VPS13D: variants seen among roughly 807,000 people sequenced by gnomAD.
VPS13D encodes the protein vacuolar protein sorting 13 homolog D, also known as intermembrane lipid transfer protein VPS13D.
Under a neutral mutation model 461.9 loss-of-function variants are expected in VPS13D, and 187 were observed. That is an observed-to-expected ratio of 0.40 (90% confidence interval 0.36 to 0.46). The LOEUF (loss-of-function observed/expected upper bound fraction) is 0.46, where lower values mean the gene tolerates loss of function less well. Among genes scored for constraint, VPS13D ranks in the 20% least tolerant of loss-of-function variants. The probability of loss-of-function intolerance (pLI) is 0.60; values close to 1 mark genes in which losing one functional copy is unlikely to be tolerated. For missense variants in VPS13D, 4,711 were observed against 5,364.9 expected, an observed-to-expected ratio of 0.88 and a Z score of 3.81; for synonymous variants, 1,951 against 1,986.3, an observed-to-expected ratio of 0.98 and a Z score of 0.47.
chr1:12,253,961 C>T (rs1640825925), intron 7 of VPS13D, 135 bp downstream of exon 7: 1 of 670,406 alleles, frequency 1.5e-6, no homozygotes, highest in Non-Finnish European at 2.6e-6. Flanking sequence ...GCCATTCACT[C>T]TCAAGTGTGT....
At position 12,318,289 on chromosome 1, in the gene VPS13D, C is replaced by T. The variant is rs1445409530; in HGVS notation, c.7366C>T (p.Leu2456Phe). Residue 2456 changes from leucine (L) to phenylalanine (F), a missense_variant, in exon 31 of 70, where the codon CTT becomes TTT. This residue lies in a region of VPS13D where 4,411 missense variants were observed against 4,937.8 expected (regional missense o/e 0.89). Coordinates refer to ENST00000620676, the MANE Select transcript of VPS13D (RefSeq NM_015378.4). Reference protein sequence around the residue: ...KSGVVTKRSSLPVSNERHLEV... With the variant: ...KSGVVTKRSSFPVSNERHLEV... ...TGGAGTAGTTACCAAGCGGTCTTCC[C>T]TTCCTGTGTCCAATGAAAGGCACCT... 1 of 1,613,348 alleles carries T rather than the reference C, an allele frequency of 6.2e-7. No homozygotes were observed. Among genetic ancestry groups the T allele is most frequent in the Non-Finnish European group, 8.5e-7 (1 of 1,179,390 alleles).
chr1:12,500,286 G>A, intron 68 of VPS13D: 6 of 930,552 alleles, frequency 6.4e-6, no homozygotes, highest in Non-Finnish European at 3.8e-6. Context: ...CCTCTGATAA[G>A]TTGCACAATT....
chr1:12,446,905 C>T (rs1227799533), intron 65 of VPS13D, among the ~76,000 whole-genome samples: 7 of 152,104 alleles, frequency 4.6e-5, no homozygotes, highest in Non-Finnish European at 7.3e-5. Flanking sequence ...ATCCACATAA[C>T]GGACATGTAC....
At chr1:12,404,835 A>G (rs1251921544) in intron 63 of VPS13D, among the ~76,000 whole-genome samples, 1 of 151,978 alleles carries the variant, frequency 6.6e-6, no homozygotes, top group African/African-American at 2.4e-5. Context: ...GGTGTTAGAA[A>G]GTCTTTCCTT....
chr1:12,268,920 C>T (rs1641353720), intron 16 of VPS13D, 44 bp downstream of exon 16: 2 of 1,581,764 alleles, frequency 1.3e-6, no homozygotes, highest in African/African-American at 1.4e-5. Context: ...TTTTGAAAAA[C>T]ATCTTTATTG....
chr1:12,316,741 TGTA>T (rs1642895889), intron 30 of VPS13D, among the ~76,000 whole-genome samples: 1 of 152,188 alleles, frequency 6.6e-6, no homozygotes, highest in African/African-American at 2.4e-5. Context: ...ACCAGGTACA[TGTA>T]GTAGCTACAA....
intron 3 of VPS13D, among the ~76,000 whole-genome samples, chr1:12,243,360 G>A (rs865801632): frequency 1.3e-5 from 2 of 152,284 alleles, no homozygotes; most frequent in Middle Eastern, 3.4e-3. Flanking sequence ...GAACTTCCAG[G>A]CTAAAGAGAT....
rs975967635 is a variant in VPS13D, at chr1:12,299,495, T to C, written c.6216+111T>C. 9.9e-5 allele frequency: 126 copies of C among 1,277,184 alleles called. No homozygotes were observed. Among genetic ancestry groups the C allele is most frequent in the Non-Finnish European group, 1.2e-4 (118 of 955,994 alleles). 79.1% of individuals were successfully genotyped at this position (1,277,184 alleles called of 1,614,324 possible). A position where few individuals can be genotyped will look rare whatever the true frequency, so the allele number is the denominator to read the frequency against. ...CATAATTGCTATTACTTTTGTAGGGTATGTGGCTTGAAGAATTTTTTTTGG... is the reference window on the plus strand; with the variant it reads ...CATAATTGCTATTACTTTTGTAGGGCATGTGGCTTGAAGAATTTTTTTTGG... On this transcript the variant is annotated intron_variant, in intron 25 of 69. Coordinates refer to ENST00000620676, the MANE Select transcript of VPS13D (RefSeq NM_015378.4). This position sits in a 1 kb window ranked among gnomAD's most constrained non-coding sequence, Gnocchi z 4.2.
At chr1:12,295,123 C>T (rs1267493667) in intron 24 of VPS13D, among the ~76,000 whole-genome samples, 2 of 148,760 alleles carry the variant, frequency 1.3e-5, no homozygotes, top group Non-Finnish European at 3.0e-5. Context: ...ACTTGGGAGG[C>T]TGAGGTGGGA....
rs1254609572 is a variant in VPS13D, at chr1:12,415,244, T to C, written c.12165+23T>C. The C allele has an allele frequency of 6.2e-6, 10 of 1,613,850 alleles. No individual in the cohort carries two copies. In the South Asian group the frequency reaches 7.7e-5, roughly 12 times the overall value. ...GAGGTGAGGCTTGGAGAAGTAATCA[T>C]TGGCTGGAGCATAAGCAGAATGTTT... On this transcript the variant is annotated intron_variant, in intron 64 of 69. Coordinates refer to ENST00000620676, the MANE Select transcript of VPS13D (RefSeq NM_015378.4).
Position 12,507,921 on chromosome 1 carries a change from A to G in VPS13D, c.13035+828A>G, listed in dbSNP as rs1174669653. ...ACCCGGATTTTGAAGCTTGCATTCAAGAATGATACATTAATCAAAAGGGCC... is the reference window on the plus strand; with the variant it reads ...ACCCGGATTTTGAAGCTTGCATTCAGGAATGATACATTAATCAAAAGGGCC... On this transcript the variant is annotated intron_variant, in intron 69 of 69. Coordinates refer to ENST00000620676, the MANE Select transcript of VPS13D (RefSeq NM_015378.4). This position sits in a 1 kb window ranked among gnomAD's most constrained non-coding sequence, Gnocchi z 5.3. Among the ~76,000 whole-genome samples, 1 of 152,250 alleles carries G rather than the reference A, an allele frequency of 6.6e-6. No homozygotes were observed. Among genetic ancestry groups the G allele is most frequent in the Non-Finnish European group, 1.5e-5 (1 of 68,046 alleles).
At chr1:12,503,506 G>A (rs1224040672) in intron 68 of VPS13D, among the ~76,000 whole-genome samples, 3 of 152,084 alleles carry the variant, frequency 2.0e-5, no homozygotes, top group Non-Finnish European at 4.4e-5. Flanking sequence ...ACTTTTAACC[G>A]AGGTTTAAGA....
intron 38 of VPS13D, 64 bp downstream of exon 38, chr1:12,333,430 A>G: frequency 2.5e-6 from 4 of 1,587,988 alleles, no homozygotes; most frequent in Non-Finnish European, 3.4e-6. Context: ...AGTCTGGAAG[A>G]CTATTAATCC....
chr1:12,459,136 T>C (rs957261808), intron 66 of VPS13D, among the ~76,000 whole-genome samples: 2 of 152,160 alleles, frequency 1.3e-5, no homozygotes, highest in Admixed American at 6.6e-5. Context: ...TATCCACAGA[T>C]TCAGCCAACC....
chr1:12,460,939 C>T (rs1645404666), intron 67 of VPS13D, among the ~76,000 whole-genome samples: 1 of 152,144 alleles, frequency 6.6e-6, no homozygotes, highest in Non-Finnish European at 1.5e-5. Flanking sequence ...AAGTGCCACC[C>T]CCCATCCCCC....
chr1:12,378,271 T>C (rs1644228272), intron 55 of VPS13D, among the ~76,000 whole-genome samples, 157 bp from the exon 56 acceptor site: 1 of 152,238 alleles, frequency 6.6e-6, no homozygotes, highest in African/African-American at 2.4e-5. Context: ...TAGATAACCA[T>C]GAAAGTTTGA....
At position 12,374,159 on chromosome 1, in the gene VPS13D, G is replaced by A. The variant is rs540829070; in HGVS notation, c.10917+301G>A. ...GACAAGAACAAATTTCTAAGATTAAGTAGCAATAATTGTAACATTTTATAT... is the reference window on the plus strand; with the variant it reads ...GACAAGAACAAATTTCTAAGATTAAATAGCAATAATTGTAACATTTTATAT... On this transcript the variant is annotated intron_variant, in intron 55 of 69. Transcript: ENST00000620676. 2.6e-5 allele frequency among the ~76,000 whole-genome samples: 4 copies of A among 152,310 alleles called. No homozygotes were observed. The East Asian group carries it at 7.7e-4, about 29-fold the overall frequency.
chr1:12,484,791 G>T (rs1308871352), intron 67 of VPS13D, among the ~76,000 whole-genome samples: 1 of 152,034 alleles, frequency 6.6e-6, no homozygotes, highest in Admixed American at 6.6e-5. Flanking sequence ...TTTACGGAGT[G>T]TCCTCGGAGG....
chr1:12,501,954 C>T (rs554736998), intron 68 of VPS13D, among the ~76,000 whole-genome samples: 9 of 152,212 alleles, frequency 5.9e-5, no homozygotes, highest in African/African-American at 1.9e-4. Flanking sequence ...GAAGAGCTCA[C>T]GGCAGGTCTG....
Sources: gnomAD v4.1 joint callset for allele counts (sites outside exome capture counted in the v4.1 genomes callset) on GRCh38, gnomAD v4.1.1 for gene constraint, gnomAD v4.1.1 regional missense constraint, Gnocchi (gnomAD v3.1) non-coding constraint, MANE v1.5 for transcripts, NCBI Gene and HGNC (gene_info 2026-07-23, HGNC 2026-07-21) for gene names.